SASH1: variants seen among roughly 807,000 people sequenced by gnomAD.
SASH1 encodes SAM and SH3 domain-containing protein 1.
In SASH1, 44 loss-of-function variants were observed where a neutral mutation model predicts 125.2. The observed-to-expected ratio is 0.35, with a 90% confidence interval of 0.28 to 0.45. SASH1 has a LOEUF of 0.45. SASH1 is among the 20% of genes least tolerant of loss of function. The pLI, the probability that SASH1 is intolerant of heterozygous loss-of-function variation, is 1.00. For missense variants in SASH1, 1,426 were observed against 1,614.5 expected (o/e 0.88, Z 2.00); for synonymous variants, 639 against 649.1 (o/e 0.98, Z 0.24).
intron 4 of SASH1, among the ~76,000 whole-genome samples, chr6:148,454,848 T>C (rs747616289): frequency 6.6e-6 from 1 of 152,222 alleles, no homozygotes; most frequent in Non-Finnish European, 1.5e-5. Flanking sequence ...ATTCATTACT[T>C]CGTTGAATCT....
At chr6:148,203,581 A>G in the SASH1 span, among the ~76,000 whole-genome samples, 2 of 152,208 alleles carry the variant, frequency 1.3e-5, no homozygotes, top group Non-Finnish European at 2.9e-5. Context: ...AAAAACACTT[A>G]TATTAACGTG....
the SASH1 span, among the ~76,000 whole-genome samples, chr6:148,253,857 C>A: frequency 6.6e-6 from 1 of 151,494 alleles, no homozygotes; most frequent in African/African-American, 2.4e-5. Context: ...GGTGACAGAG[C>A]GAGACTCTGT....
At chr6:148,390,384 T>C in intron 2 of SASH1, 122 bp downstream of exon 2, 3 of 953,648 alleles carry the variant, frequency 3.1e-6, no homozygotes, top group East Asian at 5.6e-5. Flanking sequence ...GCTGCACTAG[T>C]GTGGGGTAGA....
intron 5 of SASH1, among the ~76,000 whole-genome samples, chr6:148,470,839 C>A (rs1778071177): frequency 6.6e-6 from 1 of 151,976 alleles, no homozygotes; most frequent in African/African-American, 2.4e-5. Context: ...ATAGCAAGAC[C>A]CGTGCAGACC....
intron 1 of SASH1, among the ~76,000 whole-genome samples, chr6:148,312,172 G>A (rs796490817): frequency 1.7e-4 from 26 of 152,294 alleles, no homozygotes; most frequent in African/African-American, 6.3e-4. Context: ...TAGCATGAGG[G>A]CAGTCTGTTG....
chr6:148,294,568 G>A (rs1057369705), intron 1 of SASH1, among the ~76,000 whole-genome samples: 6 of 152,146 alleles, frequency 3.9e-5, no homozygotes, highest in African/African-American at 1.4e-4. Flanking sequence ...AACTAAGTAC[G>A]TGATACATAG....
At chr6:148,433,393 T>C (rs980770026) in intron 2 of SASH1, among the ~76,000 whole-genome samples, 5 of 147,988 alleles carry the variant, frequency 3.4e-5, no homozygotes, top group African/African-American at 1.3e-4. Flanking sequence ...ATTAATACTT[T>C]TGTTTCTTTT....
At chr6:148,437,890 A>G (rs754977496) in intron 2 of SASH1, among the ~76,000 whole-genome samples, 1 of 152,252 alleles carries the variant, frequency 6.6e-6, no homozygotes, top group Non-Finnish European at 1.5e-5. Context: ...GTTTTGCATA[A>G]TGTACCATAT....
chr6:148,211,567 T>C, the SASH1 span, among the ~76,000 whole-genome samples: 9 of 145,810 alleles, frequency 6.2e-5, no homozygotes, highest in Non-Finnish European at 8.9e-5. Context: ...CAAGACGCCA[T>C]CTCAAAGGGA....
intron 1 of SASH1, among the ~76,000 whole-genome samples, chr6:148,333,454 T>C (rs565884158): frequency 5.9e-5 from 9 of 152,258 alleles, no homozygotes; most frequent in African/African-American, 2.2e-4. Flanking sequence ...AGTAGAAGGC[T>C]TGAGGTGGGG....
chr6:148,203,597 G>A, the SASH1 span, among the ~76,000 whole-genome samples: 1 of 152,210 alleles, frequency 6.6e-6, no homozygotes, highest in Non-Finnish European at 1.5e-5. Flanking sequence ...ACGTGTTTAT[G>A]TTTTGGAATA....
In SASH1 at chr6:148,546,061, A is replaced by G. The variant is rs369192571; in HGVS notation, c.3395A>G (p.Glu1132Gly). ...IPEALVQRYA[E>G]DLDQPERDVA... The stretch of plus-strand genomic sequence containing the variant: ...GAAGCCCTGGTGCAGAGATACGCAG[A>G]GGACTTGGATCAGCCCGAGCGGGAC... The change falls in exon 19 of 20, where the codon GAG becomes GGG. Residue 1132 changes from glutamate to glycine, a missense_variant. Transcript: ENST00000367467. 1 of 1,614,148 alleles carries G rather than the reference A, an allele frequency of 6.2e-7. No individual in the cohort carries two copies. The highest frequency in any genetic ancestry group is 8.5e-7 in the Non-Finnish European group (1 of 1,180,056).
Position 148,390,180 on chromosome 6 carries a change from A to G in SASH1, c.203A>G (p.Asp68Gly), listed in dbSNP as rs1376835974. Reference sequence around the variant, plus strand: ...GATGACCTGGCGCAGCAGTATGCAGATTATTACAACACCTGTTTCTCCGAC... The same window carrying G: ...GATGACCTGGCGCAGCAGTATGCAGGTTATTACAACACCTGTTTCTCCGAC... ...NIDDLAQQYA[D>G]YYNTCFSDVC... The change falls in exon 2 of 20, where the codon GAT becomes GGT. Residue 68 changes from aspartate to glycine, a missense_variant. Around this residue, in one of 3 missense-constraint regions of SASH1, gnomAD observed 567 missense variants for 575.6 expected, o/e 0.99. Transcript: ENST00000367467. The G allele has an allele frequency of 1.9e-6, 3 of 1,613,568 alleles. No homozygotes were observed. Among genetic ancestry groups the G allele is most frequent in the Non-Finnish European group, 2.5e-6 (3 of 1,179,890 alleles).
chr6:148,420,851 C>T (rs1259859264), intron 2 of SASH1, among the ~76,000 whole-genome samples: 5 of 151,888 alleles, frequency 3.3e-5, no homozygotes, highest in African/African-American at 1.2e-4. Flanking sequence ...GAGGCTGAGG[C>T]GGGTGGATCA....
intron 1 of SASH1, among the ~76,000 whole-genome samples, chr6:148,278,316 C>T (rs767587999): frequency 7.2e-5 from 11 of 152,148 alleles, no homozygotes; most frequent in Non-Finnish European, 1.2e-4. Flanking sequence ...GGATTACAGC[C>T]GTGAGCCACC....
intron 1 of SASH1, among the ~76,000 whole-genome samples, chr6:148,324,223 G>A (rs536320146): frequency 6.6e-6 from 1 of 151,960 alleles, no homozygotes; most frequent in East Asian, 1.9e-4. Flanking sequence ...GAGGAGAAGA[G>A]TGGTAGAAAA....
rs747087619 is a variant in SASH1 at position 148,544,473 on chromosome 6, C to T, written c.3003C>T (p.His1001=). Residue 1001 remains histidine, a synonymous_variant, in exon 18 of 20, where the codon CAC becomes CAT. Transcript: ENST00000367467. This position sits in a 1 kb window ranked among gnomAD's most constrained non-coding sequence, Gnocchi z 6.4. ...KSRERLANGL[H]PVPMGPSGAL... is the part of the protein sequence containing the mutation. ...GAGAACGCCTTGCTAACGGACTCCA[C>T]CCTGTTCCCATGGGCCCCAGTGGGG... 1.9e-6 allele frequency: 3 copies of T among 1,614,160 alleles called. No individual in the cohort carries two copies. The highest frequency in any genetic ancestry group is 2.5e-6 in the Non-Finnish European group (3 of 1,180,038).
intron 4 of SASH1, among the ~76,000 whole-genome samples, chr6:148,467,088 CTT>C (rs71004298): frequency 1.0e-4 from 7 of 69,956 alleles, no homozygotes; most frequent in Admixed American, 2.2e-4. Context: ...TTCCCTGTTC[CTT>C]TTTTTTTTTT....
rs546819141 is a variant in SASH1 at position 148,354,654 on chromosome 6, T to G, written c.156+11431T>G. 3.9e-5 allele frequency among the ~76,000 whole-genome samples: 6 copies of G among 152,340 alleles called. No homozygotes were observed. The South Asian group carries it at 8.3e-4, about 21-fold the overall frequency. On this transcript the variant is annotated intron_variant, in intron 1 of 19. Coordinates refer to ENST00000367467, the MANE Select transcript of SASH1 (RefSeq NM_015278.5). The stretch of plus-strand genomic sequence containing the variant: ...TATAACAATGGCCCCACCAGACTTA[T>G]GAAAAACTTGACCACACATTTCAGC...
Sources: allele counts gnomAD v4.1 joint callset (sites outside exome capture counted in the v4.1 genomes callset), GRCh38; gene constraint gnomAD v4.1.1; regional missense constraint gnomAD v4.1.1; non-coding constraint Gnocchi (gnomAD v3.1); transcripts MANE v1.5; gene names NCBI Gene and HGNC (gene_info 2026-07-23, HGNC 2026-07-21).